SARS2: variants seen among roughly 807,000 people sequenced by gnomAD.
The protein encoded by SARS2 is serine--tRNA ligase, mitochondrial.
In SARS2, 52 loss-of-function variants were observed where a neutral mutation model predicts 66.8. The ratio of observed to expected loss-of-function variants is 0.78; its 90% CI spans 0.62 to 0.98. The LOEUF (loss-of-function observed/expected upper bound fraction) is 0.98, where lower values mean the gene tolerates loss of function less well. Among genes scored for constraint, SARS2 ranks in the 50% least tolerant of loss-of-function variants. The probability of loss-of-function intolerance (pLI) is 0.00; values close to 1 mark genes in which losing one functional copy is unlikely to be tolerated. For missense variants in SARS2, 673 were observed against 706.3 expected (o/e 0.95, Z 0.53); for synonymous variants, 306 against 281.4 (o/e 1.09, Z -0.87).
At chr19:38,923,885 A>G (rs936885764) in intron 2 of SARS2, among the ~76,000 whole-genome samples, 5 of 152,086 alleles carry the variant, frequency 3.3e-5, no homozygotes, top group Non-Finnish European at 7.4e-5. Context: ...GAGGCAGGAG[A>G]ATGGCGTGAA....
intron 7 of SARS2, 58 bp from the exon 8 acceptor site, chr19:38,918,871 A>T (rs1188660190): frequency 6.6e-7 from 1 of 1,515,574 alleles, no homozygotes; most frequent in Non-Finnish European, 9.0e-7. Flanking sequence ...CCCCAAGCTC[A>T]GCCCTGAAGA....
chr19:38,921,303 G>A lies in SARS2; in HGVS notation c.589+89C>T, dbSNP rs1974529883. 2.9e-6 allele frequency: 4 copies of A among 1,377,780 alleles called. No homozygotes were observed. In the East Asian group the frequency reaches 9.9e-5, roughly 34 times the overall value. The allele number at this position is 1,377,780 out of a possible 1,614,324, so 85.3% of individuals were successfully genotyped here. On this transcript the variant is annotated intron_variant, in intron 5 of 15. Coordinates refer to ENST00000221431, the MANE Select transcript of SARS2 (RefSeq NM_017827.4). Reference sequence around the variant, plus strand: ...CAGGAGTTCTCCAGGCTCCAGACATGTTCCCAGACCCCAGGGGCCCCCACC... The same window carrying A: ...CAGGAGTTCTCCAGGCTCCAGACATATTCCCAGACCCCAGGGGCCCCCACC...
Position 38,921,744 on chromosome 19 carries a change from G to A in SARS2, c.394-77C>T, listed in dbSNP as rs1468642008. On this transcript the variant is annotated intron_variant, in intron 3 of 15. Transcript: ENST00000221431. Reference sequence around the variant, plus strand: ...TCCAGTGTGACCTTGATCCTGACCGGCAGAGCCCCTGTGGTGGACATTCAT... The same window carrying A: ...TCCAGTGTGACCTTGATCCTGACCGACAGAGCCCCTGTGGTGGACATTCAT... 1.9e-6 allele frequency: 3 copies of A among 1,574,392 alleles called. No homozygotes were observed. In the East Asian group the frequency reaches 6.9e-5, roughly 36 times the overall value.
At chr19:38,917,358 G>A (rs1211929089) in intron 12 of SARS2, among the ~76,000 whole-genome samples, 3 of 152,190 alleles carry the variant, frequency 2.0e-5, no homozygotes, top group Non-Finnish European at 4.4e-5. Context: ...GAGAGGAAGT[G>A]GGGTTCCCAA....
chr19:38,923,126 C>T (rs1250513484), intron 2 of SARS2, among the ~76,000 whole-genome samples: 11 of 151,080 alleles, frequency 7.3e-5, no homozygotes, highest in Admixed American at 3.3e-4. Flanking sequence ...AGGATGGTCT[C>T]GATCTCCTGA....
At chr19:38,928,589 G>C (rs1020267311) in intron 1 of SARS2, among the ~76,000 whole-genome samples, 1 of 152,104 alleles carries the variant, frequency 6.6e-6, no homozygotes, top group Non-Finnish European at 1.5e-5. Flanking sequence ...CTTACTCTTG[G>C]CCACAAAGTT....
At position 38,930,492 on chromosome 19, in the gene SARS2, C is replaced by A. The variant is rs1265647122; in HGVS notation, c.245G>T (p.Arg82Leu). ...HALELRKGEL[R>L]SADLPAIIST... ...CACGATCGCGGGCAGGTCCGCCGAG[C>A]GCAGCTCCCCCTTGCGGAGCTCCAG... is the stretch of plus-strand genomic sequence containing the variant. Residue 82 changes from arginine to leucine, a missense_variant, in exon 1 of 16, where the codon CGC becomes CTC. Coordinates refer to ENST00000221431, the MANE Select transcript of SARS2 (RefSeq NM_017827.4). The A allele has an allele frequency of 6.2e-7, 1 of 1,601,748 alleles. No homozygotes were observed. Among genetic ancestry groups the A allele is most frequent in the South Asian group, 1.1e-5 (1 of 90,956 alleles).
At chr19:38,918,330 G>A in intron 9 of SARS2, 92 bp downstream of exon 9, 1 of 1,287,030 alleles carries the variant, frequency 7.8e-7, no homozygotes. Context: ...GAGCTGCTCG[G>A]GGCAGGTGAT....
intron 5 of SARS2, 72 bp from the exon 6 acceptor site, chr19:38,920,221 G>A: frequency 8.4e-7 from 1 of 1,196,744 alleles, no homozygotes; most frequent in Non-Finnish European, 1.2e-6. Context: ...GAAGCTTCCA[G>A]AGACAGCAGA....
At position 38,920,152 on chromosome 19, in the gene SARS2, G is replaced by C. The variant is rs747703183; in HGVS notation, c.590-3C>G. ...GCCCCGAGGTTGGAAGGAGAAAACT[G>C]GATGTGGGTGAAAAGCACCGGTGTA... On this transcript the variant is annotated splice_polypyrimidine_tract_variant and splice_region_variant and intron_variant, in intron 5 of 15. Coordinates refer to ENST00000221431, the MANE Select transcript of SARS2 (RefSeq NM_017827.4). 5 of 1,558,130 alleles carry C rather than the reference G, an allele frequency of 3.2e-6. No individual in the cohort carries two copies. Among genetic ancestry groups the C allele is most frequent in the South Asian group, 2.4e-5 (2 of 84,484 alleles).
rs964557344 is a variant in SARS2 at position 38,930,161 on chromosome 19, A to C, written c.267+309T>G. On this transcript the variant is annotated intron_variant, in intron 1 of 15. Transcript: ENST00000221431. The stretch of plus-strand genomic sequence containing the variant: ...TTTGTGGTCTTAGGGAAAGGCTGGC[A>C]TGAGGTTGCAGCACGGAGGGCAATG... 8.4e-6 allele frequency: 3 copies of C among 358,378 alleles called. No homozygotes were observed. The Admixed American group carries it at 1.3e-4, about 16-fold the overall frequency. 22.2% of individuals were successfully genotyped at this position (358,378 alleles called of 1,614,324 possible). A position where few individuals can be genotyped will look rare whatever the true frequency, so the allele number is the denominator to read the frequency against.
chr19:38,920,017 A>T, intron 6 of SARS2, 69 bp downstream of exon 6: 1 of 1,445,032 alleles, frequency 6.9e-7, no homozygotes, highest in Non-Finnish European at 9.5e-7. Flanking sequence ...GAGGCCAATG[A>T]GGCAGGAGCC....
At chr19:38,930,407 T>C in intron 1 of SARS2, 63 bp downstream of exon 1, 3 of 1,531,060 alleles carry the variant, frequency 2.0e-6, no homozygotes, top group Non-Finnish European at 8.7e-7. Context: ...GAGGGCATCT[T>C]GCAAACCCAA....
At chr19:38,926,542 T>C (rs1369328398) in intron 1 of SARS2, among the ~76,000 whole-genome samples, 1 of 152,174 alleles carries the variant, frequency 6.6e-6, no homozygotes, top group Non-Finnish European at 1.5e-5. Context: ...TCCCAGCACT[T>C]TGGGAGGCCA....
At chr19:38,926,354 T>A in intron 1 of SARS2, 54 bp from the exon 2 acceptor site, 1 of 1,555,196 alleles carries the variant, frequency 6.4e-7, no homozygotes, top group Non-Finnish European at 8.8e-7. Flanking sequence ...CCTACCCTTC[T>A]CTCTGGAGCC....
intron 1 of SARS2, among the ~76,000 whole-genome samples, chr19:38,928,566 G>A (rs1974671378): frequency 6.6e-6 from 1 of 152,172 alleles, no homozygotes; most frequent in Non-Finnish European, 1.5e-5. Context: ...GGGTCAGGAT[G>A]TGAAATGTAT....
chr19:38,920,860 CACACAGATACATAG>C (rs1974510748), intron 5 of SARS2, among the ~76,000 whole-genome samples: 1 of 151,174 alleles, frequency 6.6e-6, no homozygotes, highest in African/African-American at 2.4e-5. Flanking sequence ...CAGATACATA[CACACAGATACATAG>C]ACACACACAG....
At chr19:38,929,383 T>C (rs1004358856) in intron 1 of SARS2, among the ~76,000 whole-genome samples, 5 of 151,364 alleles carry the variant, frequency 3.3e-5, no homozygotes, top group Non-Finnish European at 5.9e-5. Context: ...AGTATGTCCC[T>C]GTCTCAACAA....
rs1302009613 is a variant in SARS2 at position 38,925,868 on chromosome 19, G to A, written c.363+337C>T. Among the ~76,000 whole-genome samples the A allele has an allele frequency of 3.9e-5, 6 of 152,122 alleles. No homozygotes were observed. In the South Asian group the frequency reaches 1.2e-3, roughly 31 times the overall value. ...GTCTCGCTCTGTCGCCCAGGCTGGAGTGCAGTGGCGCCATCTCAGCTCACT... is the reference window on the plus strand; with the variant it reads ...GTCTCGCTCTGTCGCCCAGGCTGGAATGCAGTGGCGCCATCTCAGCTCACT... On this transcript the variant is annotated intron_variant, in intron 2 of 15. Transcript: ENST00000221431.
Sources: gnomAD v4.1 joint callset for allele counts (sites outside exome capture counted in the v4.1 genomes callset) on GRCh38, gnomAD v4.1.1 for gene constraint, MANE v1.5 for transcripts, NCBI Gene and HGNC (gene_info 2026-07-23, HGNC 2026-07-21) for gene names.